The following LTBP1 variants were observed in gnomAD, a reference collection of about 807,000 sequenced individuals.
LTBP1 encodes latent-transforming growth factor beta-binding protein 1.
In LTBP1, 129 loss-of-function variants were observed where a neutral mutation model predicts 207.6. The ratio of observed to expected loss-of-function variants is 0.62; its 90% CI spans 0.54 to 0.72. The LOEUF (loss-of-function observed/expected upper bound fraction) is 0.72. Among genes scored for constraint, LTBP1 ranks in the 30% least tolerant of loss-of-function variants. The pLI is 0.00. For synonymous variants in LTBP1, 963 were observed against 833.7 expected (o/e 1.16, Z -2.67); for missense variants, 2,281 against 2,217.2 (o/e 1.03, Z -0.58).
At chr2:33,361,831 T>C (rs912826398) in intron 28 of LTBP1, among the ~76,000 whole-genome samples, 4 of 152,198 alleles carry the variant, frequency 2.6e-5, no homozygotes, top group Admixed American at 6.5e-5. Context: ...CTGTACCTAG[T>C]AGATACTTAC....
chr2:33,247,448 A>G (rs1016757319), intron 10 of LTBP1, among the ~76,000 whole-genome samples: 3 of 152,258 alleles, frequency 2.0e-5, no homozygotes, highest in African/African-American at 4.8e-5. Flanking sequence ...GGCAAATTAT[A>G]GCCCATGGGA....
intron 10 of LTBP1, among the ~76,000 whole-genome samples, chr2:33,244,557 G>A (rs2149793420): frequency 6.6e-6 from 1 of 152,330 alleles, no homozygotes; most frequent in East Asian, 1.9e-4. Context: ...CATTTTAGGT[G>A]TAAAGTTCTC....
intron 7 of LTBP1, among the ~76,000 whole-genome samples, chr2:33,214,504 AC>A (rs1439461992): frequency 6.6e-6 from 1 of 151,882 alleles, no homozygotes; most frequent in Non-Finnish European, 1.5e-5. Flanking sequence ...CTACCCACCT[AC>A]CACTTTATCA....
chr2:32,947,690 C>G lies in LTBP1; in HGVS notation c.366C>G (p.Pro122=), dbSNP rs1676406164. ...AVPGGQLHPN[P]GGHPAAAPFT... is the part of the protein sequence containing the mutation. ...CCGGCGGGCAGCTCCACCCCAATCC[C>G]GGCGGCCACCCGGCAGCCGCCCCGT... The change falls in exon 1 of 34, where the codon CCC becomes CCG. Residue 122 remains proline, a synonymous_variant. Coordinates refer to ENST00000404816, the MANE Select transcript of LTBP1 (RefSeq NM_206943.4). 1 of 1,506,896 alleles carries G rather than the reference C, an allele frequency of 6.6e-7. No individual in the cohort carries two copies. The highest frequency in any genetic ancestry group is 2.1e-5 in the Admixed American group (1 of 47,136). The allele number at this position is 1,506,896 out of a possible 1,614,324, so 93.3% of individuals were successfully genotyped here. A position where few individuals can be genotyped will look rare whatever the true frequency, so the allele number is the denominator to read the frequency against.
At chr2:33,156,549 T>C (rs1410128998) in intron 5 of LTBP1, among the ~76,000 whole-genome samples, 1 of 152,204 alleles carries the variant, frequency 6.6e-6, no homozygotes, top group African/African-American at 2.4e-5. Context: ...GTTGTGAGGG[T>C]TAAATGACAG....
intron 23 of LTBP1, among the ~76,000 whole-genome samples, chr2:33,313,441 A>G (rs955047870): frequency 2.0e-5 from 3 of 152,066 alleles, no homozygotes; most frequent in African/African-American, 7.2e-5. Flanking sequence ...GGATGACTTT[A>G]TTGAGGACCA....
intron 4 of LTBP1, among the ~76,000 whole-genome samples, chr2:33,115,456 A>G (rs1411099811): frequency 6.6e-6 from 1 of 152,178 alleles, no homozygotes; most frequent in Non-Finnish European, 1.5e-5. Flanking sequence ...AACACTAAAA[A>G]TAAAAAAACT....
chr2:33,317,371 A>G (rs1281105414), intron 24 of LTBP1, among the ~76,000 whole-genome samples: 1 of 152,206 alleles, frequency 6.6e-6, no homozygotes, highest in Non-Finnish European at 1.5e-5. Flanking sequence ...TATAACTAGA[A>G]CTCTCCGTAA....
chr2:33,379,728 A>T (rs1370272725), intron 31 of LTBP1, among the ~76,000 whole-genome samples: 2 of 152,226 alleles, frequency 1.3e-5, no homozygotes. Flanking sequence ...CTTTGCAGTG[A>T]TGTCTTACTT....
chr2:33,088,752 G>A (rs1394206947), intron 3 of LTBP1, among the ~76,000 whole-genome samples: 1 of 152,002 alleles, frequency 6.6e-6, no homozygotes, highest in Non-Finnish European at 1.5e-5. Context: ...TGACAAATGA[G>A]TGAAACTAAA....
At chr2:33,341,731 T>A (rs868158365) in intron 24 of LTBP1, among the ~76,000 whole-genome samples, 4,524 of 117,656 alleles carry the variant, frequency 0.038, 115 homozygotes, top group Middle Eastern at 0.086. Flanking sequence ...AAAAAAAAAA[T>A]ATATATATAT....
chr2:33,003,205 C>T lies in LTBP1; in HGVS notation c.566-17704C>T, dbSNP rs545804376. 4.6e-5 allele frequency among the ~76,000 whole-genome samples: 7 copies of T among 152,282 alleles called. No homozygotes were observed. The South Asian group carries it at 1.0e-3, about 23-fold the overall frequency. On this transcript the variant is annotated intron_variant, in intron 2 of 33. Coordinates refer to ENST00000404816, the MANE Select transcript of LTBP1 (RefSeq NM_206943.4). The stretch of plus-strand genomic sequence containing the variant: ...GCAAAGAGATTGTGTTTAAACAAAA[C>T]GACCTGCTCAAATGTAGAAAGACAT...
intron 31 of LTBP1, among the ~76,000 whole-genome samples, chr2:33,380,570 TAAA>T (rs909615836): frequency 6.7e-6 from 1 of 149,128 alleles, no homozygotes; most frequent in Non-Finnish European, 1.5e-5. Flanking sequence ...ACTCCGTCTT[TAAA>T]AAAAAAAGAA....
At chr2:33,338,889 A>G (rs189503864) in intron 24 of LTBP1, among the ~76,000 whole-genome samples, 1 of 152,344 alleles carries the variant, frequency 6.6e-6, no homozygotes, top group Non-Finnish European at 1.5e-5. Context: ...ACATATAGGC[A>G]GGAGGCAGAT....
chr2:33,260,547 A>T (rs983088377), intron 13 of LTBP1, among the ~76,000 whole-genome samples: 3 of 152,244 alleles, frequency 2.0e-5, no homozygotes, highest in Non-Finnish European at 4.4e-5. Flanking sequence ...TCTTATAATT[A>T]TGGGATAGAG....
At chr2:33,201,010 C>A (rs1558803350) in intron 7 of LTBP1, among the ~76,000 whole-genome samples, 3 of 152,192 alleles carry the variant, frequency 2.0e-5, no homozygotes, top group Admixed American at 1.3e-4. Flanking sequence ...GAATTAGGTA[C>A]ACTTTTACAC....
At chr2:33,277,834 T>TC (rs2093476481) in intron 18 of LTBP1, among the ~76,000 whole-genome samples, 1 of 113,514 alleles carries the variant, frequency 8.8e-6, no homozygotes, top group African/African-American at 3.3e-5. Context: ...TCTTTCTTTT[T>TC]TTTTTTTTTT....
At chr2:33,370,222 A>G (rs552036008) in intron 31 of LTBP1, among the ~76,000 whole-genome samples, 1 of 152,242 alleles carries the variant, frequency 6.6e-6, no homozygotes, top group Non-Finnish European at 1.5e-5. Context: ...GATCAAATGC[A>G]TTTTCAAATG....
intron 19 of LTBP1, among the ~76,000 whole-genome samples, chr2:33,281,866 C>T (rs987158501): frequency 6.6e-6 from 1 of 152,018 alleles, no homozygotes; most frequent in Non-Finnish European, 1.5e-5. Flanking sequence ...AGGTTCCATG[C>T]GTATTCTCAT....
Sources: allele counts gnomAD v4.1 joint callset (sites outside exome capture counted in the v4.1 genomes callset), GRCh38; gene constraint gnomAD v4.1.1; transcripts MANE v1.5; gene names NCBI Gene and HGNC (gene_info 2026-07-23, HGNC 2026-07-21).